Variants in SPOCK3 observed in about 807,000 individuals in gnomAD.
SPOCK3 encodes the protein SPARC (osteonectin), cwcv and kazal like domains proteoglycan 3, also known as testican-3.
In SPOCK3, 30 loss-of-function variants were observed where a neutral mutation model predicts 56.6. The observed-to-expected ratio is 0.53, with a 90% CI of 0.40 to 0.72. SPOCK3 has a LOEUF of 0.72. Ranked by LOEUF, SPOCK3 falls within the 30% of genes least tolerant of loss-of-function variation. The pLI is 0.00. For synonymous variants in SPOCK3, 196 were observed against 183.3 expected, an observed-to-expected ratio of 1.07 and a Z score of -0.56; for missense variants, 527 against 530.0, an observed-to-expected ratio of 0.99 and a Z score of 0.06.
intron 3 of SPOCK3, among the ~76,000 whole-genome samples, chr4:167,030,575 AT>A (rs149363048): frequency 0.024 from 3,723 of 152,128 alleles, 165 homozygotes; most frequent in African/African-American, 0.085. Context: ...GGTATGATAT[AT>A]TAGCCTGTTT....
chr4:166,840,771 GTT>G (rs70955697), intron 6 of SPOCK3, among the ~76,000 whole-genome samples: 97 of 68,166 alleles, frequency 1.4e-3, no homozygotes, highest in South Asian at 3.1e-3. Flanking sequence ...AGAAGCAAAA[GTT>G]TTTTTTTTTT....
At chr4:167,146,808 G>A (rs1424474352) in intron 2 of SPOCK3, among the ~76,000 whole-genome samples, 1 of 152,146 alleles carries the variant, frequency 6.6e-6, no homozygotes, top group Non-Finnish European at 1.5e-5. Context: ...CACATTTAAA[G>A]CAGTGTGGAG....
chr4:167,143,080 G>A (rs1763663537), intron 2 of SPOCK3, among the ~76,000 whole-genome samples: 1 of 151,992 alleles, frequency 6.6e-6, no homozygotes, highest in East Asian at 1.9e-4. Context: ...GGGAAATAGA[G>A]ACAGAGACTT....
At chr4:166,753,541 C>T (rs1380993964) in intron 8 of SPOCK3, among the ~76,000 whole-genome samples, 1 of 151,894 alleles carries the variant, frequency 6.6e-6, no homozygotes, top group Non-Finnish European at 1.5e-5. Flanking sequence ...TCATTTCATC[C>T]CTAATTACTG....
chr4:166,917,806 C>A (rs778185450), intron 4 of SPOCK3, among the ~76,000 whole-genome samples: 1 of 152,216 alleles, frequency 6.6e-6, no homozygotes, highest in African/African-American at 2.4e-5. Context: ...GTCAATTAAA[C>A]CTCTTTCCTT....
At position 167,223,002 on chromosome 4, in the gene SPOCK3, ATATATTTTATATATGAATATATAATATAT is replaced by A. The variant is rs1395577906; in HGVS notation, c.189+10954_189+10982del. 2.7e-3 allele frequency among the ~76,000 whole-genome samples: 331 copies of A among 124,066 alleles called. 7 individuals are homozygous for A. The highest frequency in any genetic ancestry group is 4.0e-3 in the Non-Finnish European group (254 of 63,162). The allele number at this position is 124,066 out of a possible 152,430, so 81.4% of individuals were successfully genotyped here. On this transcript the variant is annotated intron_variant, in intron 2 of 10. Transcript: ENST00000357545. Reference sequence around the variant, plus strand: ...TATATATTATATTTTATATATGAATATATATTTTATATATGAATATATAATATATTATATTTTATATATGAATATATATT... The same window carrying A: ...TATATATTATATTTTATATATGAATATATATTTTATATATGAATATATATT...
chr4:166,904,118 C>A (rs1736358597), intron 5 of SPOCK3, among the ~76,000 whole-genome samples: 2 of 151,544 alleles, frequency 1.3e-5, no homozygotes, highest in Admixed American at 1.3e-4. Context: ...TTTATATAAT[C>A]TATATTTTTA....
At chr4:166,989,814 A>T (rs1426157112) in intron 4 of SPOCK3, among the ~76,000 whole-genome samples, 1 of 152,154 alleles carries the variant, frequency 6.6e-6, no homozygotes, top group Non-Finnish European at 1.5e-5. Context: ...TCTTAATACA[A>T]AAGTTTATTT....
chr4:167,204,983 G>A (rs952626559), intron 2 of SPOCK3, among the ~76,000 whole-genome samples: 12 of 147,000 alleles, frequency 8.2e-5, no homozygotes, highest in African/African-American at 2.8e-4. Flanking sequence ...TGGGGGTCGT[G>A]CACAGTACCA....
intron 6 of SPOCK3, among the ~76,000 whole-genome samples, chr4:166,836,565 C>T (rs1163287816): frequency 6.6e-6 from 1 of 152,082 alleles, no homozygotes; most frequent in Non-Finnish European, 1.5e-5. Context: ...TGTGAATTTA[C>T]CTCAGTGAAG....
At chr4:167,043,809 C>T (rs910582092) in intron 3 of SPOCK3, among the ~76,000 whole-genome samples, 4 of 151,758 alleles carry the variant, frequency 2.6e-5, no homozygotes, top group African/African-American at 9.7e-5. Flanking sequence ...GTGCATTAAT[C>T]TTATAATACA....
intron 6 of SPOCK3, among the ~76,000 whole-genome samples, chr4:166,831,431 G>T (rs1163327425): frequency 1.3e-5 from 2 of 152,092 alleles, no homozygotes; most frequent in Non-Finnish European, 2.9e-5. Flanking sequence ...TTGTGGGACA[G>T]TTTTTAATTA....
At chr4:166,869,599 T>C (rs1732238042) in intron 6 of SPOCK3, among the ~76,000 whole-genome samples, 1 of 147,212 alleles carries the variant, frequency 6.8e-6, no homozygotes. Context: ...TTATAACCAA[T>C]AGAATTCTGT....
At chr4:167,025,718 T>A (rs1751637365) in intron 3 of SPOCK3, among the ~76,000 whole-genome samples, 1 of 152,078 alleles carries the variant, frequency 6.6e-6, no homozygotes, top group South Asian at 2.1e-4. Context: ...TTAATTATAG[T>A]TACCTCTTTA....
At chr4:166,736,243 G>A (rs1181569897) in intron 10 of SPOCK3, among the ~76,000 whole-genome samples, 1 of 152,002 alleles carries the variant, frequency 6.6e-6, no homozygotes, top group Admixed American at 6.6e-5. Context: ...CGTTCCAAAA[G>A]CAATGTTCTT....
chr4:166,902,843 A>G (rs1261436192), intron 5 of SPOCK3, among the ~76,000 whole-genome samples: 2 of 150,832 alleles, frequency 1.3e-5, no homozygotes, highest in Non-Finnish European at 3.0e-5. Context: ...TTCTGAAATT[A>G]TGTTTGGTAA....
At chr4:167,223,500 C>A (rs1736276760) in intron 2 of SPOCK3, among the ~76,000 whole-genome samples, 1 of 151,688 alleles carries the variant, frequency 6.6e-6, no homozygotes, top group African/African-American at 2.4e-5. Flanking sequence ...AAGCATTACT[C>A]TTCTGTGTTT....
chr4:167,073,317 A>G (rs1580206626), intron 2 of SPOCK3, among the ~76,000 whole-genome samples: 2 of 151,956 alleles, frequency 1.3e-5, no homozygotes, highest in African/African-American at 4.8e-5. Context: ...ATATTTTCAT[A>G]TAGAGTCAAC....
chr4:167,179,045 C>T (rs1355558792), intron 2 of SPOCK3, among the ~76,000 whole-genome samples: 1 of 151,986 alleles, frequency 6.6e-6, no homozygotes, highest in Non-Finnish European at 1.5e-5. Flanking sequence ...CCTGAGTAAA[C>T]TTTTGTAAAG....
Sources: gnomAD v4.1 joint callset for allele counts (sites outside exome capture counted in the v4.1 genomes callset) on GRCh38, gnomAD v4.1.1 for gene constraint, MANE v1.5 for transcripts, NCBI Gene and HGNC (gene_info 2026-07-23, HGNC 2026-07-21) for gene names.